Variants in MGAT4C observed in about 807,000 individuals in gnomAD.
MGAT4C encodes MGAT4 family member C.
MGAT4C carries 19 observed loss-of-function variants against 40.1 expected under a neutral mutation model. That is an observed-to-expected ratio of 0.47 (90% CI 0.33 to 0.70). The LOEUF is 0.70. Among genes scored for constraint, MGAT4C ranks in the 30% least tolerant of loss-of-function variants. MGAT4C has a pLI of 0.02. For missense variants in MGAT4C, 491 were observed against 563.2 expected, an observed-to-expected ratio of 0.87 and a Z score of 1.30; for synonymous variants, 181 against 187.1, an observed-to-expected ratio of 0.97 and a Z score of 0.27.
intron 2 of MGAT4C, chr12:86,022,312 TGTATTGCCCAAGACATTAA>T (rs1889816163): frequency 6.6e-6 from 1 of 152,254 alleles, no homozygotes; most frequent in African/African-American, 2.4e-5. Flanking sequence ...TTACTCAGTC[TGTATTGCCCAAGACATTAA>T]GTATTGCCTT....
chr12:86,465,774 G>C (rs567914102), intron 2 of MGAT4C, among the ~76,000 whole-genome samples: 2 of 152,260 alleles, frequency 1.3e-5, no homozygotes, highest in South Asian at 4.2e-4. Flanking sequence ...CTCTTTCATT[G>C]GTGGTGGGAA....
intron 4 of MGAT4C, among the ~76,000 whole-genome samples, chr12:86,287,977 G>A (rs1953398958): frequency 6.6e-6 from 1 of 152,200 alleles, no homozygotes; most frequent in Non-Finnish European, 1.5e-5. Flanking sequence ...CAGTGTAAAA[G>A]TGTTCCTATT....
chr12:86,295,221 G>C (rs12304593), intron 4 of MGAT4C, among the ~76,000 whole-genome samples: 14,183 of 152,152 alleles, frequency 0.093, 835 homozygotes, highest in Middle Eastern at 0.22. Flanking sequence ...TGGACATTTT[G>C]TTCTAGCCTT....
At position 86,139,748 on chromosome 12, in the gene MGAT4C, A is replaced by G. The variant is rs1882564202; in HGVS notation, c.-56-90025T>C. On this transcript the variant is annotated intron_variant, in intron 1 of 4. Coordinates refer to ENST00000611864, the MANE Select transcript of MGAT4C (RefSeq NM_001351288.2). ...AGAATAGAAAAAAAACGGTTCTTTG[A>G]GGATATGACTTAAGCTTTACTAGAC... is the stretch of plus-strand genomic sequence containing the variant. Among the ~76,000 whole-genome samples the G allele has an allele frequency of 2.0e-5, 3 of 152,312 alleles. No individual in the cohort carries two copies. The South Asian group carries it at 6.2e-4, about 32-fold the overall frequency.
chr12:86,249,612 C>A lies in MGAT4C; in HGVS notation c.-57+6627G>T, dbSNP rs181109978. On this transcript the variant is annotated intron_variant, in intron 1 of 4. Coordinates refer to ENST00000611864, the MANE Select transcript of MGAT4C (RefSeq NM_001351288.2). ...AAAGTTATGCAGTTATGACAGTTGT[C>A]CTTACTGGTTATTTACAATTAGAAT... Among the ~76,000 whole-genome samples the A allele has an allele frequency of 1.5e-3, 227 of 152,220 alleles. 3 individuals carry two copies. The highest frequency in any genetic ancestry group is 5.3e-3 in the African/African-American group (221 of 41,548).
At chr12:86,700,170 CAGACAGACAGATAGATAGATAGAT>C (rs1478674283) in intron 2 of MGAT4C, among the ~76,000 whole-genome samples, 1,652 of 135,876 alleles carry the variant, frequency 0.012, 29 homozygotes, top group African/African-American at 0.045. Flanking sequence ...GACAGACAGA[CAGACAGACAGATAGATAGATAGAT>C]AGATAGATAG....
chr12:86,383,455 G>T lies in MGAT4C; in HGVS notation c.-119-49328C>A. On this transcript the variant is annotated intron_variant, in intron 3 of 7. Transcript: ENST00000548651. ...TAGTCCTAGCTACTTGGGAGGCTGA[G>T]GCAGGAGAATCGCTTGAACCTGGGG... 1.3e-5 allele frequency among the ~76,000 whole-genome samples: 2 copies of T among 150,412 alleles called. 1 individual carries two copies. Among genetic ancestry groups the T allele is most frequent in the Non-Finnish European group, 2.9e-5 (2 of 67,836 alleles).
chr12:86,081,278 A>T (rs1870794442), intron 1 of MGAT4C, among the ~76,000 whole-genome samples: 1 of 152,166 alleles, frequency 6.6e-6, no homozygotes, highest in South Asian at 2.1e-4. Context: ...ATTGACTTTT[A>T]TTGTCATTGA....
intron 1 of MGAT4C, among the ~76,000 whole-genome samples, chr12:86,803,006 T>G: frequency 7.9e-6 from 1 of 127,322 alleles, no homozygotes; most frequent in Non-Finnish European, 1.7e-5. Flanking sequence ...ACTACCTGAC[T>G]TCAAACTATA....
intron 2 of MGAT4C, among the ~76,000 whole-genome samples, chr12:86,600,832 T>C (rs80057684): frequency 0.031 from 4,696 of 152,312 alleles, 101 homozygotes; most frequent in Middle Eastern, 0.072. Context: ...CCGGCATCCC[T>C]GTACTCTCGG....
intron 3 of MGAT4C, among the ~76,000 whole-genome samples, chr12:86,414,418 A>C (rs1320048313): frequency 6.6e-6 from 1 of 152,170 alleles, no homozygotes; most frequent in East Asian, 1.9e-4. Flanking sequence ...AAATGTAGCA[A>C]GTTAATCCTA....
chr12:86,441,601 G>A (rs912254424), intron 2 of MGAT4C, among the ~76,000 whole-genome samples: 2 of 149,042 alleles, frequency 1.3e-5, no homozygotes, highest in African/African-American at 5.0e-5. Flanking sequence ...TGCAGTGTTT[G>A]GTTTTTTGTT....
chr12:86,121,433 A>G (rs1198225606), intron 1 of MGAT4C, among the ~76,000 whole-genome samples: 1 of 152,152 alleles, frequency 6.6e-6, no homozygotes, highest in African/African-American at 2.4e-5. Flanking sequence ...CAACTCCAAG[A>G]CACATAATTG....
At chr12:86,259,624 C>T (rs927517550), upstream of MGAT4C, among the ~76,000 whole-genome samples, 1 of 149,322 alleles carries the variant, frequency 6.7e-6, no homozygotes, top group African/African-American at 2.5e-5. Context: ...CCAACGTTGT[C>T]TCATTATTTA....
intron 2 of MGAT4C, among the ~76,000 whole-genome samples, chr12:86,621,642 C>A (rs1257536503): frequency 6.6e-6 from 1 of 152,166 alleles, no homozygotes; most frequent in African/African-American, 2.4e-5. Flanking sequence ...CCATGGCTGG[C>A]TAATTTTTTA....
intron 2 of MGAT4C, among the ~76,000 whole-genome samples, chr12:85,993,083 T>A (rs1285812969): frequency 6.6e-6 from 1 of 152,170 alleles, no homozygotes; most frequent in Non-Finnish European, 1.5e-5. Flanking sequence ...CCCATTAAGG[T>A]CCAGGTCCCC....
intron 2 of MGAT4C, among the ~76,000 whole-genome samples, chr12:86,619,879 A>G (rs902067762): frequency 2.0e-5 from 3 of 151,260 alleles, no homozygotes; most frequent in African/African-American, 7.2e-5. Context: ...TTATTAAGGG[A>G]AAAAACCTTG....
intron 2 of MGAT4C, among the ~76,000 whole-genome samples, chr12:86,531,222 C>T (rs934693493): frequency 1.3e-5 from 2 of 152,066 alleles, no homozygotes; most frequent in Admixed American, 6.6e-5. Flanking sequence ...ATTTATGGAA[C>T]AGTGCCAGTT....
intron 1 of MGAT4C, among the ~76,000 whole-genome samples, chr12:86,181,707 T>C (rs1460273959): frequency 2.0e-5 from 3 of 152,264 alleles, no homozygotes; most frequent in Admixed American, 2.0e-4. Context: ...AGAAATCGAT[T>C]GTGGAATAAA....
Sources: allele counts gnomAD v4.1 joint callset (sites outside exome capture counted in the v4.1 genomes callset), GRCh38; gene constraint gnomAD v4.1.1; transcripts MANE v1.5; gene names NCBI Gene and HGNC (gene_info 2026-07-23, HGNC 2026-07-21).